The following C5orf47 variants were observed in gnomAD, a reference collection of about 807,000 sequenced individuals.
C5orf47 encodes chromosome 5 open reading frame 47.
Under a neutral mutation model 20.6 loss-of-function variants are expected in C5orf47, and 20 were observed. That is an observed-to-expected ratio of 0.97 (90% CI 0.68 to 1.41). The LOEUF is 1.41. Ranked by LOEUF, C5orf47 falls within the 40% of genes most tolerant of loss-of-function variation. The pLI is 0.00. For synonymous variants in C5orf47, 106 were observed against 97.3 expected, an observed-to-expected ratio of 1.09 and a Z score of -0.53; for missense variants, 262 against 238.4, an observed-to-expected ratio of 1.10 and a Z score of -0.65.
chr5:173,998,362 A>G lies in C5orf47; in HGVS notation c.411+124A>G, dbSNP rs932516139. 3.2e-5 allele frequency: 18 copies of G among 566,102 alleles called. No homozygotes were observed. In the Admixed American group the frequency reaches 6.1e-4, roughly 19 times the overall value. The allele number at this position is 566,102 out of a possible 1,614,324, so 35.1% of individuals were successfully genotyped here. On this transcript the variant is annotated intron_variant, in intron 2 of 4. Coordinates refer to ENST00000340147, the MANE Select transcript of C5orf47 (RefSeq NM_001144954.2). ...ATCTTTTGAATAATTTAATTTTCTG[A>G]AATGAGAAATAGAAGTAATTCAGAA...
downstream of C5orf47, among the ~76,000 whole-genome samples, chr5:174,009,394 A>G (rs1047961866): frequency 3.6e-4 from 55 of 151,022 alleles, no homozygotes; most frequent in Non-Finnish European, 8.9e-5. Context: ...GTTTTATTTT[A>G]CTCCTCTTTT....
At chr5:174,001,273 A>ATTCCC (rs1759191969) in intron 4 of C5orf47, 42 bp downstream of exon 4, 1 of 1,101,372 alleles carries the variant, frequency 9.1e-7, no homozygotes, top group African/African-American at 1.6e-5. Context: ...TATAGATTTT[A>ATTCCC]TTCCCTTCCC....
chr5:174,005,927 C>G lies in C5orf47; in HGVS notation c.*1673C>G, dbSNP rs957373589. ...GAAGACTCCCACTGAAATGAATGTT[C>G]TAAATATTTGTTCTAAATCTTTTAA... On this transcript the variant is annotated 3_prime_UTR_variant, in exon 5 of 5. Transcript: ENST00000340147. 3 of 152,252 alleles carry G rather than the reference C, an allele frequency of 2.0e-5. No individual in the cohort carries two copies. Among genetic ancestry groups the G allele is most frequent in the African/African-American group, 7.2e-5 (3 of 41,430 alleles). 9.4% of individuals were successfully genotyped at this position (152,252 alleles called of 1,614,324 possible). A position where few individuals can be genotyped will look rare whatever the true frequency, so the allele number is the denominator to read the frequency against.
intron 1 of C5orf47, among the ~76,000 whole-genome samples, chr5:173,994,034 C>T (rs1408902149): frequency 6.6e-6 from 1 of 152,158 alleles, no homozygotes; most frequent in Non-Finnish European, 1.5e-5. Flanking sequence ...GAAGCGTTTT[C>T]CTTGCAAAAA....
In C5orf47 at chr5:173,989,413, C is replaced by T; in HGVS notation, c.150C>T (p.Arg50=). ...LWGQGPGAGC[R]QEKPREAMAV... ...GTCAGGGGCCTGGGGCAGGCTGTCG[C>T]CAGGAGAAGCCGAGGGAAGCAATGG... The change falls in exon 1 of 5, where the codon CGC becomes CGT. Residue 50 remains arginine, a synonymous_variant. Coordinates refer to ENST00000340147, the MANE Select transcript of C5orf47 (RefSeq NM_001144954.2). The T allele has an allele frequency of 6.5e-7, 1 of 1,547,464 alleles. No homozygotes were observed. Among genetic ancestry groups the T allele is most frequent in the Non-Finnish European group, 8.7e-7 (1 of 1,145,062 alleles).
chr5:174,008,033 A>G (rs992364341), downstream of C5orf47, among the ~76,000 whole-genome samples: 3 of 152,210 alleles, frequency 2.0e-5, no homozygotes, highest in African/African-American at 7.2e-5. Flanking sequence ...CAAGGGTGGA[A>G]GATAAATGCT....
Position 173,999,744 on chromosome 5 carries a change from T to G in C5orf47, c.456T>G (p.Leu152=). The G allele has an allele frequency of 6.5e-7, 1 of 1,535,060 alleles. No homozygotes were observed. The highest frequency in any genetic ancestry group is 8.8e-7 in the Non-Finnish European group (1 of 1,135,068). The part of the protein sequence containing the change: ...NRVYKVISRM[L]EENEKYRHRL... ...TATACAAAGTCATTTCAAGAATGCT[T>G]GAAGAAAATGAAAAATATAGACACA... is the stretch of plus-strand genomic sequence containing the variant. The change falls in exon 3 of 5, where the codon CTT becomes CTG. Residue 152 remains leucine, a synonymous_variant. Transcript: ENST00000340147.
At chr5:173,997,283 G>A (rs1163484203) in intron 1 of C5orf47, among the ~76,000 whole-genome samples, 1 of 152,136 alleles carries the variant, frequency 6.6e-6, no homozygotes, top group African/African-American at 2.4e-5. Context: ...AAGGGTTGAG[G>A]TGAGGGAATA....
downstream of C5orf47, among the ~76,000 whole-genome samples, chr5:174,008,212 C>G (rs1353194091): frequency 3.3e-5 from 5 of 152,172 alleles, no homozygotes; most frequent in Non-Finnish European, 5.9e-5. Context: ...AAAACTGAAG[C>G]ACATGCATGG....
chr5:174,000,201 T>C (rs947912868), intron 3 of C5orf47, among the ~76,000 whole-genome samples: 2 of 152,138 alleles, frequency 1.3e-5, no homozygotes, highest in Admixed American at 1.3e-4. Flanking sequence ...TCATTTCCTC[T>C]CCATGGAAGC....
chr5:173,989,597 G>A lies in C5orf47; in HGVS notation c.325+9G>A. ...ACAGTCGGCGCGTGCAGGTGGTGCA[G>A]CGGGGCAGGGCGGGACCGGGCGCGG... On this transcript the variant is annotated intron_variant, in intron 1 of 4. Coordinates refer to ENST00000340147, the MANE Select transcript of C5orf47 (RefSeq NM_001144954.2). The A allele has an allele frequency of 2.1e-6, 3 of 1,425,132 alleles. No individual in the cohort carries two copies. The highest frequency in any genetic ancestry group is 2.7e-6 in the Non-Finnish European group (3 of 1,091,920). The allele number at this position is 1,425,132 out of a possible 1,614,324, so 88.3% of individuals were successfully genotyped here. A position where few individuals can be genotyped will look rare whatever the true frequency, so the allele number is the denominator to read the frequency against.
chr5:173,989,308 C>T lies in C5orf47; in HGVS notation c.45C>T (p.Phe15=). ...GRGREQDSAR[F]VYVTRFGSHQ... ...GTCGGGAGCAGGACTCGGCGCGCTT[C>T]GTCTATGTGACGCGCTTCGGCTCGC... The change falls in exon 1 of 5, where the codon TTC becomes TTT. Residue 15 remains phenylalanine, a synonymous_variant. Transcript: ENST00000340147. The T allele has an allele frequency of 5.7e-6, 8 of 1,404,506 alleles. No individual in the cohort carries two copies. Among genetic ancestry groups the T allele is most frequent in the East Asian group, 2.9e-5 (1 of 34,588 alleles). The allele number at this position is 1,404,506 out of a possible 1,614,324, so 87.0% of individuals were successfully genotyped here.
downstream of C5orf47, among the ~76,000 whole-genome samples, chr5:174,006,889 C>T (rs902455880): frequency 6.6e-6 from 1 of 152,170 alleles, no homozygotes; most frequent in African/African-American, 2.4e-5. Context: ...GTGAATTCTA[C>T]TACATTTGTA....
rs1259505387 is a variant in C5orf47, at chr5:174,001,193, C to T, written c.512-3C>T. On this transcript the variant is annotated splice_polypyrimidine_tract_variant and splice_region_variant and intron_variant, in intron 3 of 4. Transcript: ENST00000340147. ...TTTTCCTTATTTTTTATGTTGTTTG[C>T]AGGCTCAAATTACACAAGATGAATC... The T allele has an allele frequency of 2.6e-6, 4 of 1,516,828 alleles. No homozygotes were observed. In the African/African-American group the frequency reaches 5.5e-5, roughly 21 times the overall value. The allele number at this position is 1,516,828 out of a possible 1,614,324, so 94.0% of individuals were successfully genotyped here.
At chr5:174,008,890 T>G (rs1345676960), downstream of C5orf47, among the ~76,000 whole-genome samples, 1 of 150,682 alleles carries the variant, frequency 6.6e-6, no homozygotes, top group Admixed American at 6.6e-5. Flanking sequence ...TGGAGACAGA[T>G]TTATTGGTCT....
At chr5:173,992,470 C>T (rs867324857) in intron 1 of C5orf47, among the ~76,000 whole-genome samples, 11 of 152,040 alleles carry the variant, frequency 7.2e-5, no homozygotes, top group African/African-American at 2.7e-4. Flanking sequence ...GTCTCTTCCT[C>T]ATTAATTTCT....
At chr5:174,008,708 T>A (rs928975331), downstream of C5orf47, among the ~76,000 whole-genome samples, 4 of 150,312 alleles carry the variant, frequency 2.7e-5, no homozygotes, top group African/African-American at 7.4e-5. Flanking sequence ...GGCGGGCGCC[T>A]GTAAGTCCCA....
chr5:173,991,402 A>G (rs1234844594), intron 1 of C5orf47, among the ~76,000 whole-genome samples: 2 of 152,262 alleles, frequency 1.3e-5, no homozygotes, highest in African/African-American at 4.8e-5. Flanking sequence ...CATAGGGGAA[A>G]TGCCTATAGT....
At chr5:174,004,057 G>A (rs1759244213) in intron 4 of C5orf47, among the ~76,000 whole-genome samples, 1 of 152,172 alleles carries the variant, frequency 6.6e-6, no homozygotes, top group Non-Finnish European at 1.5e-5. Context: ...GGTATTGGCA[G>A]GAGTTAGAGT....
Sources: allele counts gnomAD v4.1 joint callset (sites outside exome capture counted in the v4.1 genomes callset), GRCh38; gene constraint gnomAD v4.1.1; transcripts MANE v1.5; gene names NCBI Gene and HGNC (gene_info 2026-07-23, HGNC 2026-07-21).